GNAQ: variants seen among roughly 807,000 people sequenced by gnomAD.
GNAQ encodes the protein guanine nucleotide-binding protein G(q) subunit alpha.
GNAQ carries 8 observed loss-of-function variants against 43.9 expected under a neutral mutation model. That is an observed-to-expected ratio of 0.18 (90% CI 0.11 to 0.33). The LOEUF (loss-of-function observed/expected upper bound fraction) is 0.33, where lower values mean the gene tolerates loss of function less well. GNAQ is among the 10% of genes least tolerant of loss of function. GNAQ has a pLI of 1.00. For missense variants in GNAQ, 158 were observed against 450.8 expected (o/e 0.35, Z 5.88); for synonymous variants, 155 against 170.7 (o/e 0.91, Z 0.71).
intron 1 of GNAQ, among the ~76,000 whole-genome samples, chr9:77,937,321 C>G (rs897946758): frequency 1.3e-5 from 2 of 152,118 alleles, no homozygotes; most frequent in African/African-American, 4.8e-5. Context: ...GTCTGTAATC[C>G]CAGCTACTTG....
At chr9:77,927,847 C>A (rs1829091908) in intron 1 of GNAQ, among the ~76,000 whole-genome samples, 3 of 152,076 alleles carry the variant, frequency 2.0e-5, no homozygotes, top group Non-Finnish European at 1.5e-5. Context: ...TGCCCCCACC[C>A]CACTCTCTTA....
chr9:77,730,561 A>G (rs1443141281), intron 5 of GNAQ, among the ~76,000 whole-genome samples: 1 of 152,230 alleles, frequency 6.6e-6, no homozygotes, highest in Non-Finnish European at 1.5e-5. Flanking sequence ...CCAAAAGTCC[A>G]TTGTCCCCAA....
rs188288522 is a variant in GNAQ at position 77,723,637 on chromosome 9, G to A, written c.890-2124C>T. ...AAAGAGTAAAGCTCTGACAGATGCTGTAATATGCATGAACTGTGAGAACAT... is the reference window on the plus strand; with the variant it reads ...AAAGAGTAAAGCTCTGACAGATGCTATAATATGCATGAACTGTGAGAACAT... On this transcript the variant is annotated intron_variant, in intron 6 of 6. Coordinates refer to ENST00000286548, the MANE Select transcript of GNAQ (RefSeq NM_002072.5). Among the ~76,000 whole-genome samples the A allele has an allele frequency of 3.3e-5, 5 of 152,314 alleles. No homozygotes were observed. The East Asian group carries it at 9.6e-4, about 29-fold the overall frequency.
chr9:78,001,867 A>C (rs939056242), intron 1 of GNAQ, among the ~76,000 whole-genome samples: 1 of 152,230 alleles, frequency 6.6e-6, no homozygotes, highest in Non-Finnish European at 1.5e-5. Flanking sequence ...ATTCTACTAC[A>C]CAAGTTCTAA....
At chr9:77,820,722 A>G (rs1827099567) in intron 2 of GNAQ, among the ~76,000 whole-genome samples, 1 of 152,204 alleles carries the variant, frequency 6.6e-6, no homozygotes, top group African/African-American at 2.4e-5. Context: ...TCTGGGAACC[A>G]CAGTAGCAAA....
chr9:77,865,437 G>A lies in GNAQ; in HGVS notation c.322-49667C>T, dbSNP rs1475984906. On this transcript the variant is annotated intron_variant, in intron 2 of 6. Transcript: ENST00000286548. ...GAAACTTTAGGAAATTTCTGACTAG[G>A]TTAGATATCAGCCTTTGTCAGATAA... 2.6e-5 allele frequency among the ~76,000 whole-genome samples: 4 copies of A among 152,190 alleles called. No individual in the cohort carries two copies. In the East Asian group the frequency reaches 7.7e-4, roughly 29 times the overall value.
rs1042823067 is a variant in GNAQ, at chr9:77,888,467, A to G, written c.321+33694T>C. 3.9e-5 allele frequency among the ~76,000 whole-genome samples: 6 copies of G among 152,222 alleles called. No individual in the cohort carries two copies. The East Asian group carries it at 9.6e-4, about 24-fold the overall frequency. ...AGCTCACTAAACAACTTTCCTGAGC[A>G]GAGTGGGGTAAATGCAGCAAGGAGA... On this transcript the variant is annotated intron_variant, in intron 2 of 6. Transcript: ENST00000286548.
intron 5 of GNAQ, among the ~76,000 whole-genome samples, chr9:77,748,117 G>C (rs893510671): frequency 6.6e-6 from 1 of 152,068 alleles, no homozygotes; most frequent in Non-Finnish European, 1.5e-5. Context: ...CAAATCCAGA[G>C]TCTCCTCTAT....
chr9:77,939,423 A>G (rs1054387487), intron 1 of GNAQ, among the ~76,000 whole-genome samples: 7 of 152,196 alleles, frequency 4.6e-5, no homozygotes, highest in Non-Finnish European at 8.8e-5. Context: ...CACCTTATTG[A>G]AAACTCATTT....
intron 2 of GNAQ, among the ~76,000 whole-genome samples, chr9:77,907,115 T>C (rs1828722179): frequency 6.6e-6 from 1 of 152,222 alleles, no homozygotes; most frequent in South Asian, 2.1e-4. Flanking sequence ...TGTACAGCTA[T>C]GTTCACATAC....
rs1335639582 is a variant in GNAQ at position 77,718,075 on chromosome 9, C to T, written c.*3248G>A. The T allele has an allele frequency of 8.6e-6, 2 of 232,714 alleles. No individual in the cohort carries two copies. Among genetic ancestry groups the T allele is most frequent in the Non-Finnish European group, 1.7e-5 (2 of 117,774 alleles). 14.4% of individuals were successfully genotyped at this position (232,714 alleles called of 1,614,324 possible). A position where few individuals can be genotyped will look rare whatever the true frequency, so the allele number is the denominator to read the frequency against. ...GAAAAATCATCTGTAAACTGGTACA[C>T]TGCAATGTGTTAAGTGAGTCATGAA... On this transcript the variant is annotated 3_prime_UTR_variant, in exon 7 of 7. Transcript: ENST00000286548.
rs1826628895 is a variant in GNAQ at position 77,794,544 on chromosome 9, G to A, written c.654C>T (p.His218=). ...GQRSERRKWI[H]CFENVTSIMF... The stretch of plus-strand genomic sequence containing the variant: ...TGATAGAGGTGACATTTTCAAAGCA[G>A]TGTATCCATTTTCTTCTCTCTGACC... Residue 218 remains histidine (H), a synonymous_variant, in exon 5 of 7, where the codon CAC becomes CAT. Transcript: ENST00000286548. 1 of 1,607,302 alleles carries A rather than the reference G, an allele frequency of 6.2e-7. No homozygotes were observed. Among genetic ancestry groups the A allele is most frequent in the Non-Finnish European group, 8.5e-7 (1 of 1,174,354 alleles).
Position 77,716,907 on chromosome 9 carries a change from T to C in GNAQ, c.*4416A>G, listed in dbSNP as rs541987790. ...TATGATTCTAGAGGCAAGAGTGTTATTGAAAGGGCAGTGATCATTGGGAAG... is the reference window on the plus strand; with the variant it reads ...TATGATTCTAGAGGCAAGAGTGTTACTGAAAGGGCAGTGATCATTGGGAAG... On this transcript the variant is annotated 3_prime_UTR_variant, in exon 7 of 7. Coordinates refer to ENST00000286548, the MANE Select transcript of GNAQ (RefSeq NM_002072.5). 2 of 232,836 alleles carry C rather than the reference T, an allele frequency of 8.6e-6. No homozygotes were observed. The highest frequency in any genetic ancestry group is 5.6e-5 in the Admixed American group (1 of 17,788). The allele number at this position is 232,836 out of a possible 1,614,324, so 14.4% of individuals were successfully genotyped here.
At position 77,876,141 on chromosome 9, in the gene GNAQ, C is replaced by T. The variant is rs533930847; in HGVS notation, c.321+46020G>A. Among the ~76,000 whole-genome samples, 163 of 152,094 alleles carry T rather than the reference C, an allele frequency of 1.1e-3. 1 individual carries two copies. The highest frequency in any genetic ancestry group is 3.5e-3 in the African/African-American group (146 of 41,476). On this transcript the variant is annotated intron_variant, in intron 2 of 6. Transcript: ENST00000286548. ...ACTACTGATTTTTTTAAAAAATAGC[C>T]CCTGAAGCAGAAAAAGAACTGGCAC... is the stretch of plus-strand genomic sequence containing the variant.
chr9:77,900,589 C>T (rs767961735), intron 2 of GNAQ, among the ~76,000 whole-genome samples: 4 of 152,240 alleles, frequency 2.6e-5, no homozygotes, highest in Middle Eastern at 3.4e-3. Flanking sequence ...GATGGGGCCT[C>T]GCTATGTTGC....
intron 1 of GNAQ, among the ~76,000 whole-genome samples, chr9:77,956,655 G>C (rs972794775): frequency 2.0e-5 from 3 of 152,162 alleles, no homozygotes; most frequent in Non-Finnish European, 2.9e-5. Flanking sequence ...CAGGAAGGGG[G>C]AGGAGGGAAA....
intron 5 of GNAQ, among the ~76,000 whole-genome samples, chr9:77,786,546 G>A (rs988970468): frequency 6.6e-6 from 1 of 152,120 alleles, no homozygotes; most frequent in East Asian, 1.9e-4. Flanking sequence ...GCAGCTGAGA[G>A]GCTGAAGGGA....
chr9:78,031,020 G>T, intron 1 of GNAQ, 80 bp downstream of exon 1: 2 of 1,073,160 alleles, frequency 1.9e-6, no homozygotes, highest in Non-Finnish European at 2.4e-6. Context: ...GGGCGGGGGC[G>T]CCGAAGGCAG....
At chr9:77,962,159 C>A (rs558260038) in intron 1 of GNAQ, among the ~76,000 whole-genome samples, 5 of 151,826 alleles carry the variant, frequency 3.3e-5, no homozygotes, top group East Asian at 3.9e-4. Context: ...CAGAAAAAAA[C>A]GAGCAGTCTC....
Sources: gnomAD v4.1 joint callset for allele counts (sites outside exome capture counted in the v4.1 genomes callset) on GRCh38, gnomAD v4.1.1 for gene constraint, MANE v1.5 for transcripts, NCBI Gene and HGNC (gene_info 2026-07-23, HGNC 2026-07-21) for gene names.